Variants in CHST8 observed in about 807,000 individuals in gnomAD.
CHST8 encodes the protein GALNAC-4-ST1.
A neutral mutation model predicts 15.0 loss-of-function variants in CHST8; 10 were observed. The ratio of observed to expected loss-of-function variants is 0.67; its 90% confidence interval spans 0.41 to 1.13. The LOEUF is 1.13. Among genes scored for constraint, CHST8 ranks in the 50% most tolerant of loss-of-function variants. The pLI is 0.00. For synonymous variants in CHST8, 259 were observed against 256.6 expected (o/e 1.01, Z -0.09); for missense variants, 634 against 608.2 (o/e 1.04, Z -0.45).
chr19:33,727,319 C>T (rs1973920176), intron 3 of CHST8, among the ~76,000 whole-genome samples: 1 of 152,182 alleles, frequency 6.6e-6, no homozygotes, highest in African/African-American at 2.4e-5. Flanking sequence ...ACCCAGGAGG[C>T]TGAACCAGCC....
At chr19:33,764,593 CA>C (rs1974795085) in intron 3 of CHST8, among the ~76,000 whole-genome samples, 1 of 152,166 alleles carries the variant, frequency 6.6e-6, no homozygotes, top group Non-Finnish European at 1.5e-5. Flanking sequence ...GCCCCACCCT[CA>C]AAAAATGCTC....
intron 3 of CHST8, among the ~76,000 whole-genome samples, chr19:33,705,426 G>A (rs893523654): frequency 6.6e-6 from 1 of 152,324 alleles, no homozygotes; most frequent in Admixed American, 6.5e-5. Flanking sequence ...GGGAAGGCAA[G>A]GGCCAGAGAG....
chr19:33,651,363 T>C (rs894335869), intron 1 of CHST8, among the ~76,000 whole-genome samples: 15 of 136,814 alleles, frequency 1.1e-4, no homozygotes, highest in Admixed American at 1.0e-3. Flanking sequence ...GGATGAGATC[T>C]TTTAAACTTA....
intron 3 of CHST8, among the ~76,000 whole-genome samples, chr19:33,751,883 C>T (rs1420180189): frequency 1.3e-5 from 2 of 152,244 alleles, no homozygotes; most frequent in Non-Finnish European, 2.9e-5. Context: ...GCGGCACCAG[C>T]TCCCAAATGA....
chr19:33,724,449 G>A (rs1246049529), intron 3 of CHST8, among the ~76,000 whole-genome samples: 3 of 152,192 alleles, frequency 2.0e-5, no homozygotes, highest in Non-Finnish European at 2.9e-5. Flanking sequence ...CCAAGGAGCC[G>A]TAAGCAGTTC....
intron 1 of CHST8, among the ~76,000 whole-genome samples, chr19:33,626,342 A>G (rs1972053290): frequency 6.6e-6 from 1 of 151,822 alleles, no homozygotes; most frequent in African/African-American, 2.4e-5. Context: ...CCACCGAGAG[A>G]CTGGGGAAGC....
chr19:33,772,117 G>A lies in CHST8; in HGVS notation c.329G>A (p.Arg110His), dbSNP rs995045884. 4 of 1,610,676 alleles carry A rather than the reference G, an allele frequency of 2.5e-6. No individual in the cohort carries two copies. The highest frequency in any genetic ancestry group is 2.2e-5 in the East Asian group (1 of 44,824). Reference sequence around the variant, plus strand: ...GGAACCCGTCTGCGGCTCCGCCAGCGCCGTCGCCGTCTGCTCATCAAGAAA... The same window carrying A: ...GGAACCCGTCTGCGGCTCCGCCAGCACCGTCGCCGTCTGCTCATCAAGAAA... ...QRGTRLRLRQ[R>H]RRRLLIKKMP... The change falls in exon 5 of 5, where the codon CGC (arginine) becomes CAC (histidine). Residue 110 changes from arginine (R) to histidine (H), a missense_variant. Arg to His is a conservative substitution (Grantham distance 29, BLOSUM62 0). Transcript: ENST00000650847.
At chr19:33,709,979 C>G (rs1372049025) in intron 3 of CHST8, among the ~76,000 whole-genome samples, 1 of 152,158 alleles carries the variant, frequency 6.6e-6, no homozygotes, top group African/African-American at 2.4e-5. Context: ...TGGCTCCAGA[C>G]TTTAAAATTT....
chr19:33,717,153 A>C (rs1001369799), intron 3 of CHST8, among the ~76,000 whole-genome samples: 2 of 152,134 alleles, frequency 1.3e-5, no homozygotes, highest in African/African-American at 4.8e-5. Context: ...ATAGGGATTT[A>C]TTACAAAGTG....
chr19:33,628,624 C>T (rs1279331934), intron 1 of CHST8, among the ~76,000 whole-genome samples: 3 of 152,186 alleles, frequency 2.0e-5, no homozygotes, highest in East Asian at 1.9e-4. Context: ...GGTGCGTCTA[C>T]GCTGGTTGAG....
Position 33,699,871 on chromosome 19 carries a change from A to G in CHST8, c.130+10480A>G, listed in dbSNP as rs114323179. On this transcript the variant is annotated intron_variant, in intron 3 of 4. Transcript: ENST00000650847. ...GAGTGTGTCCCCCTGGAGCTCTGAGACAAATGCCAGGACAAATGTCGTGGG... is the reference window on the plus strand; with the variant it reads ...GAGTGTGTCCCCCTGGAGCTCTGAGGCAAATGCCAGGACAAATGTCGTGGG... Among the ~76,000 whole-genome samples, 754 of 152,286 alleles carry G rather than the reference A, an allele frequency of 5.0e-3. 6 individuals carry two copies. Among genetic ancestry groups the G allele is most frequent in the African/African-American group, 0.018 (729 of 41,558 alleles).
At chr19:33,624,589 T>C (rs530335509) in intron 1 of CHST8, among the ~76,000 whole-genome samples, 25 of 152,332 alleles carry the variant, frequency 1.6e-4, no homozygotes, top group Non-Finnish European at 3.5e-4. Context: ...AAACGACTTT[T>C]TTGCCGTATG....
chr19:33,672,084 A>G (rs1377885684), intron 2 of CHST8, among the ~76,000 whole-genome samples: 1 of 152,106 alleles, frequency 6.6e-6, no homozygotes, highest in Non-Finnish European at 1.5e-5. Context: ...GCATATCTGA[A>G]ATGTTTCATA....
At chr19:33,695,929 G>A (rs559624630) in intron 3 of CHST8, among the ~76,000 whole-genome samples, 1 of 149,686 alleles carries the variant, frequency 6.7e-6, no homozygotes, top group African/African-American at 2.5e-5. Context: ...GGGTTGGAGC[G>A]ATTCTCCTGC....
At chr19:33,770,268 G>A (rs1381850209) in intron 3 of CHST8, among the ~76,000 whole-genome samples, 1 of 152,214 alleles carries the variant, frequency 6.6e-6, no homozygotes, top group Non-Finnish European at 1.5e-5. Context: ...CCTCCCGCAG[G>A]CAGCAGCCAG....
intron 3 of CHST8, among the ~76,000 whole-genome samples, chr19:33,691,918 A>T (rs1023878679): frequency 1.3e-5 from 2 of 152,158 alleles, no homozygotes; most frequent in African/African-American, 4.8e-5. Flanking sequence ...GTTCTCTGGG[A>T]GCTGCAGTTT....
chr19:33,673,443 G>A (rs996333172), intron 2 of CHST8, among the ~76,000 whole-genome samples: 21 of 152,186 alleles, frequency 1.4e-4, no homozygotes, highest in South Asian at 4.1e-4. Context: ...CAGGGGGAGT[G>A]GTGGAGGCCA....
At chr19:33,717,348 C>G (rs1417320648) in intron 3 of CHST8, among the ~76,000 whole-genome samples, 1 of 152,008 alleles carries the variant, frequency 6.6e-6, no homozygotes, top group East Asian at 1.9e-4. Context: ...GTAGTCCCAG[C>G]TTCTCAGGAG....
chr19:33,721,783 T>G (rs1460550574), intron 3 of CHST8, among the ~76,000 whole-genome samples: 1 of 150,064 alleles, frequency 6.7e-6, no homozygotes, highest in African/African-American at 2.5e-5. Context: ...GGTAGGTGAG[T>G]GGGCAAATGG....
Sources: allele counts gnomAD v4.1 joint callset (sites outside exome capture counted in the v4.1 genomes callset), GRCh38; gene constraint gnomAD v4.1.1; transcripts MANE v1.5; gene names NCBI Gene and HGNC (gene_info 2026-07-23, HGNC 2026-07-21).